SATB1: variants seen among roughly 807,000 people sequenced by gnomAD.
The protein encoded by SATB1 is DNA-binding protein SATB1.
Under a neutral mutation model 86.9 loss-of-function variants are expected in SATB1, and 11 were observed. That is an observed-to-expected ratio of 0.13 (90% CI 0.08 to 0.21). SATB1 has a LOEUF of 0.21. SATB1 is among the 10% of genes least tolerant of loss of function. SATB1 has a pLI of 1.00. For missense variants in SATB1, 551 were observed against 937.6 expected, an observed-to-expected ratio of 0.59 and a Z score of 5.39; for synonymous variants, 357 against 357.2, an observed-to-expected ratio of 1.00 and a Z score of 0.01.
At chr3:18,429,546 G>A (rs867628935), upstream of SATB1, among the ~76,000 whole-genome samples, 2 of 152,178 alleles carry the variant, frequency 1.3e-5, no homozygotes, top group Admixed American at 1.3e-4. The surrounding 1 kb of genome is among the most constrained non-coding windows in gnomAD (Gnocchi z 4.1). Context: ...TTCTTTGGAG[G>A]TCATGGCATG....
chr3:18,442,648 A>G (rs979474950), upstream of SATB1, among the ~76,000 whole-genome samples: 8 of 152,228 alleles, frequency 5.3e-5, no homozygotes, highest in African/African-American at 1.9e-4. Flanking sequence ...TTGTGTAATA[A>G]ACACTTGGAG....
chr3:18,365,261 T>A lies in SATB1; in HGVS notation c.1575+12909A>T, dbSNP rs954295611. 2.0e-5 allele frequency among the ~76,000 whole-genome samples: 3 copies of A among 152,292 alleles called. No individual in the cohort carries two copies. In the South Asian group the frequency reaches 6.2e-4, roughly 32 times the overall value. On this transcript the variant is annotated intron_variant, in intron 9 of 10. Transcript: ENST00000338745. ...TGTTACGGGTATTGACATCATGTCA[T>A]CCAAGTAATTTTAAAGGTAAATAAG... is the stretch of plus-strand genomic sequence containing the variant.
chr3:18,383,228 A>G (rs907573228), intron 8 of SATB1, among the ~76,000 whole-genome samples: 1 of 152,184 alleles, frequency 6.6e-6, no homozygotes, highest in Non-Finnish European at 1.5e-5. Context: ...GCCACCAAGG[A>G]GCTCTGGTGT....
intron 8 of SATB1, among the ~76,000 whole-genome samples, chr3:18,380,614 T>A (rs1224483729): frequency 6.6e-6 from 1 of 152,102 alleles, no homozygotes; most frequent in African/African-American, 2.4e-5. Flanking sequence ...TTAGAAAGTA[T>A]CTCTGTACTA....
chr3:18,398,344 G>C (rs1297971924), intron 5 of SATB1, among the ~76,000 whole-genome samples: 2 of 152,004 alleles, frequency 1.3e-5, no homozygotes, highest in Non-Finnish European at 2.9e-5. Flanking sequence ...CGAGTCTTAG[G>C]AGTAAGATTT....
chr3:18,439,378 G>A (rs927816534), upstream of SATB1, among the ~76,000 whole-genome samples: 3 of 152,034 alleles, frequency 2.0e-5, no homozygotes, highest in South Asian at 2.1e-4. Context: ...ATCTCACCCT[G>A]AATATATACA....
Position 18,420,884 on chromosome 3 carries a change from G to C in SATB1, c.84C>G (p.Ala28=). ...NNVSDPKGPP[A]KIARLEQNGS... ...CGTTCTGCTCCAGGCGGGCAATCTTGGCTGGTGGACCCTTCGGATCACTCA... is the reference window on the plus strand; with the variant it reads ...CGTTCTGCTCCAGGCGGGCAATCTTCGCTGGTGGACCCTTCGGATCACTCA... The change falls in exon 2 of 11, where the codon GCC becomes GCG. Residue 28 remains alanine (A), a synonymous_variant. Coordinates refer to ENST00000338745, the MANE Select transcript of SATB1 (RefSeq NM_002971.6). The C allele has an allele frequency of 6.2e-7, 1 of 1,614,188 alleles. No homozygotes were observed. The highest frequency in any genetic ancestry group is 8.5e-7 in the Non-Finnish European group (1 of 1,180,036).
upstream of SATB1, among the ~76,000 whole-genome samples, chr3:18,428,038 C>A (rs1326801391): frequency 6.6e-6 from 1 of 151,840 alleles, no homozygotes; most frequent in Non-Finnish European, 1.5e-5. Context: ...AAATAAATAA[C>A]AAAAAAAGAA....
chr3:18,390,512 C>T (rs1355804984), intron 7 of SATB1, among the ~76,000 whole-genome samples: 1 of 152,114 alleles, frequency 6.6e-6, no homozygotes, highest in African/African-American at 2.4e-5. Context: ...GGTAATAGCA[C>T]CTTTTTACCT....
In SATB1 at chr3:18,445,463, G is replaced by T. The variant is rs1219797784; in HGVS notation, c.-25+55C>A. The T allele has an allele frequency of 7.1e-6, 7 of 985,136 alleles. No individual in the cohort carries two copies. The East Asian group carries it at 5.7e-4, about 81-fold the overall frequency. 61.0% of individuals were successfully genotyped at this position (985,136 alleles called of 1,614,324 possible). ...GAGGGGTAAGTGTGGGCGCTTGGGGGTGCGCTTGGGGTGCGCGGCGCGGTT... is the reference window on the plus strand; with the variant it reads ...GAGGGGTAAGTGTGGGCGCTTGGGGTTGCGCTTGGGGTGCGCGGCGCGGTT... On this transcript the variant is annotated intron_variant, in intron 1 of 3. Transcript: ENST00000415069.
chr3:18,421,238 TA>T, intron 1 of SATB1: 2 of 281,290 alleles, frequency 7.1e-6, no homozygotes, highest in Non-Finnish European at 6.6e-6. Context: ...AACTGGCCTA[TA>T]AAAAAACTAA....
rs1694158763 is a variant in SATB1, at chr3:18,348,232, G to T, written c.*938C>A. On this transcript the variant is annotated 3_prime_UTR_variant, in exon 11 of 11. Coordinates refer to ENST00000338745, the MANE Select transcript of SATB1 (RefSeq NM_002971.6). ...TGATCTATTAGTTTTATTTACCTAAGCTTATTTGCATGATAGTAAAAATTG... is the reference window on the plus strand; with the variant it reads ...TGATCTATTAGTTTTATTTACCTAATCTTATTTGCATGATAGTAAAAATTG... The T allele has an allele frequency of 6.6e-6, 1 of 152,514 alleles. No homozygotes were observed. The allele number at this position is 152,514 out of a possible 1,614,324, so 9.4% of individuals were successfully genotyped here.
chr3:18,420,758 T>G lies in SATB1; in HGVS notation c.210A>C (p.Lys70Asn). 6.2e-7 allele frequency: 1 copy of G among 1,613,072 alleles called. No individual in the cohort carries two copies. The highest frequency in any genetic ancestry group is 8.5e-7 in the Non-Finnish European group (1 of 1,179,790). ...SGHLMKTNLRKGTMLPVFCVV... is the reference protein window; with the variant it reads ...SGHLMKTNLRNGTMLPVFCVV... Reference sequence around the variant, plus strand: ...AAGATTTGGCTTGAAGGTATTTACCTTTCCTAAGGTTGGTTTTCATCAGAT... The same window carrying G: ...AAGATTTGGCTTGAAGGTATTTACCGTTCCTAAGGTTGGTTTTCATCAGAT... The change falls in exon 2 of 11, where the codon AAA (lysine) becomes AAC (asparagine). Residue 70 changes from lysine (K) to asparagine (N), a missense_variant and splice_region_variant. Lys to Asn is a moderately conservative substitution (Grantham distance 94, BLOSUM62 0). This residue lies in a region of SATB1 where 153 missense variants were observed against 258.1 expected (regional missense o/e 0.59). Transcript: ENST00000338745.
At chr3:18,378,819 A>T (rs547833136) in intron 8 of SATB1, among the ~76,000 whole-genome samples, 1 of 152,282 alleles carries the variant, frequency 6.6e-6, no homozygotes, top group Non-Finnish European at 1.5e-5. Flanking sequence ...TGTTTCATTT[A>T]AAAAATCTTC....
intron 2 of SATB1, among the ~76,000 whole-genome samples, chr3:18,433,280 G>A (rs1053231897): frequency 2.0e-5 from 3 of 152,042 alleles, no homozygotes; most frequent in East Asian, 3.9e-4. Context: ...TGAGTGTCAC[G>A]CTCATATATG....
chr3:18,375,872 A>G (rs534913715), intron 9 of SATB1, among the ~76,000 whole-genome samples: 2 of 152,334 alleles, frequency 1.3e-5, no homozygotes, highest in Non-Finnish European at 2.9e-5. Context: ...GAAGTTGAGA[A>G]TAACTATCCA....
chr3:18,428,807 C>T (rs111575324), upstream of SATB1, among the ~76,000 whole-genome samples: 23 of 152,132 alleles, frequency 1.5e-4, no homozygotes, highest in African/African-American at 5.1e-4. Context: ...TTTCAGATGG[C>T]AATGTATTAA....
chr3:18,407,301 T>C (rs760865214), intron 5 of SATB1, among the ~76,000 whole-genome samples: 1 of 152,112 alleles, frequency 6.6e-6, no homozygotes, highest in Non-Finnish European at 1.5e-5. Flanking sequence ...ATAATGACTG[T>C]AAGTGTTCCT....
At chr3:18,370,514 G>GAAAAAAAAAAAAAAAAAAAAAAAAGGAAA (rs1559407361) in intron 9 of SATB1, among the ~76,000 whole-genome samples, 1 of 13,234 alleles carries the variant, frequency 7.6e-5, no homozygotes, top group Non-Finnish European at 1.5e-4. Flanking sequence ...ACTGAGAGAG[G>GAAAAAAAAAAAAAAAAAAAAAAAAGGAAA]CAAAAAAAAA....
Sources: allele counts gnomAD v4.1 joint callset (sites outside exome capture counted in the v4.1 genomes callset), GRCh38; gene constraint gnomAD v4.1.1; regional missense constraint gnomAD v4.1.1; non-coding constraint Gnocchi (gnomAD v3.1); transcripts MANE v1.5; gene names NCBI Gene and HGNC (gene_info 2026-07-23, HGNC 2026-07-21).